SGCZ: variants seen among roughly 807,000 people sequenced by gnomAD.
SGCZ encodes the protein zeta-sarcoglycan.
A neutral mutation model predicts 41.3 loss-of-function variants in SGCZ; 40 were observed. The ratio of observed to expected loss-of-function variants is 0.97; its 90% CI spans 0.75 to 1.26. SGCZ has a LOEUF of 1.26. SGCZ is among the 50% of genes most tolerant of loss of function. The pLI is 0.00. For missense variants in SGCZ, 552 were observed against 369.8 expected, an observed-to-expected ratio of 1.49 and a Z score of -4.04; for synonymous variants, 206 against 137.5, an observed-to-expected ratio of 1.50 and a Z score of -3.49.
At chr8:15,196,173 AGGCG>A (rs1800726605) in intron 1 of SGCZ, among the ~76,000 whole-genome samples, 1 of 134,048 alleles carries the variant, frequency 7.5e-6, no homozygotes, top group African/African-American at 2.8e-5. Flanking sequence ...CTGGGATTAC[AGGCG>A]TGAGCCACCG....
chr8:14,906,871 T>C (rs1799134086), intron 1 of SGCZ, among the ~76,000 whole-genome samples: 2 of 152,114 alleles, frequency 1.3e-5, no homozygotes, highest in Admixed American at 1.3e-4. Flanking sequence ...ACAGATAGAG[T>C]TACATAGTTA....
At chr8:14,692,186 T>C (rs914255531) in intron 1 of SGCZ, among the ~76,000 whole-genome samples, 3 of 152,060 alleles carry the variant, frequency 2.0e-5, no homozygotes, top group Non-Finnish European at 4.4e-5. Context: ...TAAATTGATA[T>C]ATAAAAATGA....
intron 4 of SGCZ, among the ~76,000 whole-genome samples, chr8:14,196,645 G>A (rs1000707682): frequency 5.3e-5 from 8 of 151,976 alleles, no homozygotes; most frequent in Non-Finnish European, 7.4e-5. Flanking sequence ...TATGTTCATC[G>A]ACTGGTAAAT....
chr8:14,436,078 G>C (rs1563327844), intron 2 of SGCZ, among the ~76,000 whole-genome samples: 1 of 152,224 alleles, frequency 6.6e-6, no homozygotes, highest in Non-Finnish European at 1.5e-5. Flanking sequence ...TGTGGCGTTG[G>C]ATAGAGAAAT....
intron 4 of SGCZ, among the ~76,000 whole-genome samples, chr8:14,193,326 G>A (rs1410217366): frequency 1.6e-5 from 1 of 62,606 alleles, no homozygotes; most frequent in African/African-American, 6.0e-5. Context: ...TATAAAAAAT[G>A]CAGCATGCTA....
intron 5 of SGCZ, chr8:14,161,281 T>A (rs535123612): frequency 2.0e-5 from 3 of 152,330 alleles, no homozygotes; most frequent in Admixed American, 1.3e-4. Flanking sequence ...TTGATATTTT[T>A]ATTTTTCTTT....
At chr8:14,642,162 A>G (rs1322229025) in intron 1 of SGCZ, among the ~76,000 whole-genome samples, 1 of 151,732 alleles carries the variant, frequency 6.6e-6, no homozygotes, top group Non-Finnish European at 1.5e-5. Flanking sequence ...ATGGCTAATG[A>G]GACAACTAAC....
intron 3 of SGCZ, among the ~76,000 whole-genome samples, chr8:14,251,132 G>T (rs1799269122): frequency 6.6e-6 from 1 of 152,106 alleles, no homozygotes; most frequent in Non-Finnish European, 1.5e-5. Flanking sequence ...GGAGGCCAAG[G>T]CAAGAGAATT....
intron 1 of SGCZ, among the ~76,000 whole-genome samples, chr8:14,784,741 A>G (rs557011628): frequency 6.3e-4 from 95 of 151,218 alleles, no homozygotes; most frequent in African/African-American, 2.2e-3. Context: ...CTAAAAATAC[A>G]AAAATACAAA....
intron 1 of SGCZ, among the ~76,000 whole-genome samples, chr8:14,740,339 G>C (rs1293492672): frequency 6.6e-6 from 1 of 152,024 alleles, no homozygotes; most frequent in Non-Finnish European, 1.5e-5. Context: ...TGCTACACCA[G>C]GACGGGTTTA....
intron 1 of SGCZ, among the ~76,000 whole-genome samples, chr8:15,114,643 G>A (rs1202635658): frequency 1.3e-5 from 2 of 152,080 alleles, no homozygotes; most frequent in African/African-American, 2.4e-5. Flanking sequence ...GGCTCTTGAA[G>A]GCAGAATAGT....
chr8:14,537,204 T>C (rs1474819052), intron 2 of SGCZ, among the ~76,000 whole-genome samples: 1 of 151,956 alleles, frequency 6.6e-6, no homozygotes, highest in Non-Finnish European at 1.5e-5. Context: ...CAGAGTCTAC[T>C]GACTCTCATT....
At chr8:14,436,805 G>A (rs190852638) in intron 2 of SGCZ, among the ~76,000 whole-genome samples, 1 of 152,322 alleles carries the variant, frequency 6.6e-6, no homozygotes, top group East Asian at 1.9e-4. Flanking sequence ...TAGAGGAAAA[G>A]CACTTGTGTG....
chr8:14,358,614 A>G (rs1355474218), intron 2 of SGCZ, among the ~76,000 whole-genome samples: 1 of 152,082 alleles, frequency 6.6e-6, no homozygotes, highest in Non-Finnish European at 1.5e-5. Context: ...TGTAAGGTAT[A>G]TATATATATT....
intron 1 of SGCZ, among the ~76,000 whole-genome samples, chr8:14,954,915 T>A (rs1298057982): frequency 6.6e-6 from 1 of 152,214 alleles, no homozygotes; most frequent in Non-Finnish European, 1.5e-5. Context: ...AACATAAATT[T>A]GTAACAGCTT....
intron 4 of SGCZ, among the ~76,000 whole-genome samples, chr8:14,236,045 A>T (rs1163145303): frequency 2.0e-5 from 3 of 152,200 alleles, no homozygotes; most frequent in African/African-American, 7.2e-5. Context: ...TGAATGCAAA[A>T]GGCAGTTCTA....
At chr8:15,097,161 T>C (rs1463202639) in intron 1 of SGCZ, among the ~76,000 whole-genome samples, 3 of 152,164 alleles carry the variant, frequency 2.0e-5, no homozygotes, top group Non-Finnish European at 2.9e-5. Context: ...TGGGCCACTG[T>C]TACGTAAAGC....
At chr8:15,198,554 G>C (rs1800803127) in intron 1 of SGCZ, among the ~76,000 whole-genome samples, 1 of 152,030 alleles carries the variant, frequency 6.6e-6, no homozygotes, top group Non-Finnish European at 1.5e-5. Context: ...CTATACTTTA[G>C]AATAAAAAAG....
At chr8:14,186,519 C>G (rs1478022) in intron 4 of SGCZ, among the ~76,000 whole-genome samples, 152,261 of 152,294 alleles carry the variant, frequency 1, 76,114 homozygotes, top group Non-Finnish European at 1. Flanking sequence ...GTCCAGGCCA[C>G]GATAGGCTAG....
Sources: gnomAD v4.1 joint callset for allele counts (sites outside exome capture counted in the v4.1 genomes callset) on GRCh38, gnomAD v4.1.1 for gene constraint, MANE v1.5 for transcripts, NCBI Gene and HGNC (gene_info 2026-07-23, HGNC 2026-07-21) for gene names.